Variants in BRINP1 observed in about 807,000 individuals in gnomAD.
BRINP1 encodes the protein BMP/retinoic acid inducible neural specific 1, also known as BMP/retinoic acid-inducible neural-specific protein 1.
In BRINP1, 17 loss-of-function variants were observed where a neutral mutation model predicts 72.9. The ratio of observed to expected loss-of-function variants is 0.23; its 90% CI spans 0.16 to 0.35. The LOEUF is 0.35. Among genes scored for constraint, BRINP1 ranks in the 10% least tolerant of loss-of-function variants. BRINP1 has a pLI of 1.00. For missense variants in BRINP1, 850 were observed against 1,001.6 expected, an observed-to-expected ratio of 0.85 and a Z score of 2.04; for synonymous variants, 418 against 378.5, an observed-to-expected ratio of 1.10 and a Z score of -1.21.
At chr9:119,280,244 TTC>T (rs1830696018) in intron 2 of BRINP1, among the ~76,000 whole-genome samples, 2 of 110,488 alleles carry the variant, frequency 1.8e-5, no homozygotes, top group African/African-American at 3.3e-5. Context: ...TAGTTTTTTT[TTC>T]TTTTTTTTTT....
At chr9:119,244,356 G>A (rs530510342) in intron 3 of BRINP1, among the ~76,000 whole-genome samples, 11 of 152,276 alleles carry the variant, frequency 7.2e-5, no homozygotes, top group Admixed American at 4.6e-4. Context: ...AGTTCTGGGG[G>A]CCATGGGAAG....
intron 1 of BRINP1, among the ~76,000 whole-genome samples, chr9:119,362,586 T>C (rs1209781516): frequency 1.3e-5 from 2 of 152,232 alleles, no homozygotes; most frequent in Admixed American, 6.5e-5. Flanking sequence ...CGACAAGATA[T>C]GCAATAAATA....
At position 119,190,958 on chromosome 9, in the gene BRINP1, C is replaced by G. The variant is rs79823482; in HGVS notation, c.1145+17761G>C. Reference sequence around the variant, plus strand: ...CATCTAAACCAAGTGGAATTGATCCCAGGAACGCAAGGCTGGTTTAATATA... The same window carrying G: ...CATCTAAACCAAGTGGAATTGATCCGAGGAACGCAAGGCTGGTTTAATATA... On this transcript the variant is annotated intron_variant, in intron 7 of 7. Transcript: ENST00000265922. 1.0e-3 allele frequency among the ~76,000 whole-genome samples: 156 copies of G among 151,990 alleles called. 1 individual carries two copies. In the East Asian group the frequency reaches 0.029, roughly 29 times the overall value.
intron 2 of BRINP1, among the ~76,000 whole-genome samples, chr9:119,263,886 G>C (rs1284351303): frequency 6.6e-6 from 1 of 152,156 alleles, no homozygotes; most frequent in Non-Finnish European, 1.5e-5. Context: ...GGGATTACAG[G>C]CGTGAGCCAC....
chr9:119,335,018 T>C (rs1831334026), intron 1 of BRINP1, among the ~76,000 whole-genome samples: 1 of 152,058 alleles, frequency 6.6e-6, no homozygotes, highest in Non-Finnish European at 1.5e-5. Context: ...GAGTGAGTGA[T>C]GGGGTGGCCA....
chr9:119,213,190 C>T (rs548408138), intron 6 of BRINP1, among the ~76,000 whole-genome samples: 13 of 152,294 alleles, frequency 8.5e-5, no homozygotes, highest in Non-Finnish European at 1.8e-4. Flanking sequence ...AACTCTACAT[C>T]GTTTGTTCAC....
chr9:119,363,596 T>C (rs1831657479), intron 1 of BRINP1, among the ~76,000 whole-genome samples: 1 of 152,220 alleles, frequency 6.6e-6, no homozygotes, highest in Admixed American at 6.5e-5. Context: ...CATTTAATAT[T>C]ATATAAAATT....
At chr9:119,263,854 C>A (rs1221131) in intron 2 of BRINP1, among the ~76,000 whole-genome samples, 28,893 of 151,950 alleles carry the variant, frequency 0.19, 2,929 homozygotes, top group Admixed American at 0.24. Flanking sequence ...GTGATCCGCC[C>A]GCCTCGGCCT....
intron 5 of BRINP1, among the ~76,000 whole-genome samples, chr9:119,222,108 C>G (rs887036000): frequency 6.6e-6 from 1 of 152,060 alleles, no homozygotes; most frequent in Non-Finnish European, 1.5e-5. Context: ...CTATAGAAAA[C>G]AACATATGAG....
At chr9:119,277,353 C>G (rs1244167741) in intron 2 of BRINP1, among the ~76,000 whole-genome samples, 2 of 152,192 alleles carry the variant, frequency 1.3e-5, no homozygotes, top group Non-Finnish European at 2.9e-5. Flanking sequence ...ATTGGTTGGT[C>G]AAAGTCAGCT....
intron 1 of BRINP1, among the ~76,000 whole-genome samples, chr9:119,358,114 G>C (rs1048260390): frequency 3.0e-4 from 45 of 152,198 alleles, no homozygotes; most frequent in Non-Finnish European, 1.6e-4. Context: ...TACTGTAAAG[G>C]TTAAATGAGA....
rs1294404426 is a variant in BRINP1, at chr9:119,255,817, T to A, written c.219-6667A>T. ...ACACATACAAAAAATTAGCCAGGCG[T>A]GGCAGCATGCGCCTGTAGTCCCAGC... On this transcript the variant is annotated intron_variant, in intron 2 of 7. Coordinates refer to ENST00000265922, the MANE Select transcript of BRINP1 (RefSeq NM_014618.3). 2.6e-5 allele frequency among the ~76,000 whole-genome samples: 4 copies of A among 151,846 alleles called. No homozygotes were observed. The East Asian group carries it at 7.8e-4, about 30-fold the overall frequency.
intron 2 of BRINP1, among the ~76,000 whole-genome samples, chr9:119,265,403 C>T (rs901476069): frequency 6.6e-6 from 1 of 151,924 alleles, no homozygotes; most frequent in African/African-American, 2.4e-5. Flanking sequence ...AGTTCAAGAC[C>T]AGCCTGGTCA....
chr9:119,308,544 C>T (rs1831023200), intron 2 of BRINP1, among the ~76,000 whole-genome samples: 1 of 152,182 alleles, frequency 6.6e-6, no homozygotes, highest in Non-Finnish European at 1.5e-5. Flanking sequence ...TTAGTAGAAC[C>T]ATTCATCCAT....
At chr9:119,357,560 G>A (rs1178919204) in intron 1 of BRINP1, among the ~76,000 whole-genome samples, 1 of 152,156 alleles carries the variant, frequency 6.6e-6, no homozygotes, top group Non-Finnish European at 1.5e-5. Context: ...GCACTGTGAA[G>A]TTAAATTACT....
At chr9:119,294,872 GAC>G (rs1830858702) in intron 2 of BRINP1, among the ~76,000 whole-genome samples, 1 of 98,466 alleles carries the variant, frequency 1.0e-5, no homozygotes, top group South Asian at 3.2e-4. Flanking sequence ...AAAAAAAAAA[GAC>G]ACACATAAAT....
intron 7 of BRINP1, among the ~76,000 whole-genome samples, chr9:119,173,817 G>C (rs1375753571): frequency 6.9e-6 from 1 of 144,558 alleles, no homozygotes; most frequent in Admixed American, 6.8e-5. Context: ...GACCAGAACA[G>C]AGCCCTCAGA....
At chr9:119,259,371 T>C (rs770389589) in intron 2 of BRINP1, among the ~76,000 whole-genome samples, 1 of 152,228 alleles carries the variant, frequency 6.6e-6, no homozygotes, top group Non-Finnish European at 1.5e-5. Flanking sequence ...AGCTACTCAA[T>C]AAATGTTAGC....
chr9:119,248,976 G>A lies in BRINP1; in HGVS notation c.393C>T (p.Ile131=). 6.2e-7 allele frequency: 1 copy of A among 1,612,958 alleles called. No homozygotes were observed. The highest frequency in any genetic ancestry group is 8.5e-7 in the Non-Finnish European group (1 of 1,179,148). Reference sequence around the variant, plus strand: ...CTGACCTACCTCCCAATGTGGCTGAGATGAGCAGGTGGGTGCCGTACTTTT... The same window carrying A: ...CTGACCTACCTCCCAATGTGGCTGAAATGAGCAGGTGGGTGCCGTACTTTT... The part of the protein sequence containing the change: ...IIKKYGTHLL[I]SATLGGEEAL... Residue 131 remains isoleucine, a synonymous_variant, in exon 3 of 8, where the codon ATC becomes ATT. Coordinates refer to ENST00000265922, the MANE Select transcript of BRINP1 (RefSeq NM_014618.3).
Sources: allele counts gnomAD v4.1 joint callset (sites outside exome capture counted in the v4.1 genomes callset), GRCh38; gene constraint gnomAD v4.1.1; transcripts MANE v1.5; gene names NCBI Gene and HGNC (gene_info 2026-07-23, HGNC 2026-07-21).